Variants in EPHB1 observed in about 807,000 individuals in gnomAD.
EPHB1 encodes ephrin type-B receptor 1.
Under a neutral mutation model 94.4 loss-of-function variants are expected in EPHB1, and 30 were observed. That is an observed-to-expected ratio of 0.32 (90% CI 0.24 to 0.43). EPHB1 has a LOEUF of 0.43. EPHB1 is among the 20% of genes least tolerant of loss of function. The pLI is 1.00. For missense variants in EPHB1, 1,055 were observed against 1,308.3 expected, an observed-to-expected ratio of 0.81 and a Z score of 2.99; for synonymous variants, 522 against 489.1, an observed-to-expected ratio of 1.07 and a Z score of -0.89.
intron 9 of EPHB1, among the ~76,000 whole-genome samples, chr3:135,171,295 A>C (rs562453071): frequency 6.6e-5 from 10 of 152,254 alleles, no homozygotes; most frequent in Non-Finnish European, 1.5e-4. Context: ...AAGGGAAAGC[A>C]TTTTTAAGTG....
intron 15 of EPHB1, among the ~76,000 whole-genome samples, chr3:135,252,800 C>T (rs1412619553): frequency 4.2e-5 from 6 of 141,470 alleles, no homozygotes; most frequent in Non-Finnish European, 7.8e-5. Flanking sequence ...CACTGACTTC[C>T]ACAATGGTTG....
chr3:135,165,411 C>T (rs1941623698), intron 7 of EPHB1, among the ~76,000 whole-genome samples: 2 of 152,180 alleles, frequency 1.3e-5, no homozygotes, highest in African/African-American at 4.8e-5. Flanking sequence ...TAACATTTGG[C>T]AGAAGCCTTG....
intron 3 of EPHB1, among the ~76,000 whole-genome samples, chr3:134,982,629 A>G (rs745711926): frequency 2.0e-5 from 3 of 152,176 alleles, no homozygotes; most frequent in Non-Finnish European, 2.9e-5. Flanking sequence ...CTACAATTAA[A>G]CACACAGATG....
intron 12 of EPHB1, among the ~76,000 whole-genome samples, chr3:135,220,191 T>C (rs900941331): frequency 6.6e-6 from 1 of 151,800 alleles, no homozygotes; most frequent in Non-Finnish European, 1.5e-5. Context: ...TGAGTCCAAG[T>C]CAAAGCAAGG....
rs118061101 is a variant in EPHB1, at chr3:135,049,479, C to A, written c.806-56969C>A. ...CAGCTGGGGCTATCTTTCAGAATAC[C>A]TGCACCTGTCCTCTCCCTGTGACCT... On this transcript the variant is annotated intron_variant, in intron 3 of 15. Coordinates refer to ENST00000398015, the MANE Select transcript of EPHB1 (RefSeq NM_004441.5). Among the ~76,000 whole-genome samples the A allele has an allele frequency of 6.4e-4, 97 of 152,318 alleles. 2 individuals carry two copies. In the East Asian group the frequency reaches 0.017, roughly 27 times the overall value.
At chr3:134,948,312 CAACAATAGCAGAACAGTAAAA>C (rs1560310226) in intron 2 of EPHB1, among the ~76,000 whole-genome samples, 1 of 141,712 alleles carries the variant, frequency 7.1e-6, no homozygotes, top group Non-Finnish European at 1.5e-5. Flanking sequence ...TGTTGTGTTT[CAACAATAGCAGAACAGTAAAA>C]AAAAAAAAAA....
intron 1 of EPHB1, among the ~76,000 whole-genome samples, chr3:134,806,232 A>AG (rs2108284194): frequency 6.6e-6 from 1 of 152,342 alleles, no homozygotes; most frequent in South Asian, 2.1e-4. Flanking sequence ...ATATGGCAGA[A>AG]GTGTTTCTGC....
chr3:134,874,907 C>T (rs574660105), intron 1 of EPHB1, among the ~76,000 whole-genome samples: 9 of 152,198 alleles, frequency 5.9e-5, no homozygotes, highest in African/African-American at 9.7e-5. Context: ...TCATACCAGG[C>T]GGAGCTTGCA....
At chr3:135,087,166 A>G (rs183169610) in intron 3 of EPHB1, among the ~76,000 whole-genome samples, 6 of 152,286 alleles carry the variant, frequency 3.9e-5, no homozygotes, top group South Asian at 2.1e-4. Flanking sequence ...TTGATTCCCA[A>G]ATGGTGAGAG....
intron 1 of EPHB1, among the ~76,000 whole-genome samples, chr3:134,882,943 C>T (rs533480578): frequency 6.6e-6 from 1 of 152,158 alleles, no homozygotes; most frequent in Admixed American, 6.5e-5. Context: ...CTGCCTCAGC[C>T]TCCCGAATAG....
chr3:134,866,574 C>A (rs564837810), intron 1 of EPHB1, among the ~76,000 whole-genome samples: 154 of 152,164 alleles, frequency 1.0e-3, no homozygotes, highest in Non-Finnish European at 1.9e-3. Context: ...ATGGGGACAC[C>A]TGGGAATAGG....
chr3:135,187,625 G>A (rs1283307396), intron 10 of EPHB1, among the ~76,000 whole-genome samples: 5 of 152,068 alleles, frequency 3.3e-5, no homozygotes, highest in Non-Finnish European at 2.9e-5. Flanking sequence ...ATAGCAATAC[G>A]CCCATCGACT....
rs1430895856 is a variant in EPHB1 at position 134,971,397 on chromosome 3, A to G, written c.805+19345A>G. On this transcript the variant is annotated intron_variant, in intron 3 of 15. Transcript: ENST00000398015. ...CAGTAGCAGGTAGAGTCGATGCGTG[A>G]CATTCAGTCTCCCTGGGTTCTGCTC... Among the ~76,000 whole-genome samples, 59 of 152,120 alleles carry G rather than the reference A, an allele frequency of 3.9e-4. 1 individual carries two copies. Among genetic ancestry groups the G allele is most frequent in the Admixed American group, 3.9e-3 (59 of 15,272 alleles).
At chr3:135,056,210 G>T (rs542965947) in intron 3 of EPHB1, among the ~76,000 whole-genome samples, 29 of 152,348 alleles carry the variant, frequency 1.9e-4, no homozygotes, top group Admixed American at 1.6e-3. Context: ...CCATAGGGCT[G>T]GTGGCTACCA....
chr3:135,172,881 C>G (rs999337286), intron 9 of EPHB1, among the ~76,000 whole-genome samples: 2 of 152,218 alleles, frequency 1.3e-5, no homozygotes, highest in African/African-American at 4.8e-5. Flanking sequence ...CGTGTTAACT[C>G]TTTTGGTCCT....
chr3:135,180,281 A>C (rs1235970684), intron 10 of EPHB1, among the ~76,000 whole-genome samples: 3 of 152,228 alleles, frequency 2.0e-5, no homozygotes, highest in Non-Finnish European at 4.4e-5. Flanking sequence ...AATGCAGATA[A>C]GGTACTTAGT....
intron 12 of EPHB1, 60 bp downstream of exon 12, chr3:135,201,749 T>C (rs1251773113): frequency 2.6e-6 from 4 of 1,526,608 alleles, no homozygotes; most frequent in Non-Finnish European, 1.8e-6. Flanking sequence ...GGACTCTACA[T>C]GGCTGGGAAC....
In EPHB1 at chr3:134,909,390, C is replaced by T. The variant is rs143541674; in HGVS notation, c.59-16426C>T. Among the ~76,000 whole-genome samples, 412 of 152,292 alleles carry T rather than the reference C, an allele frequency of 2.7e-3. 2 individuals carry two copies. Among genetic ancestry groups the T allele is most frequent in the African/African-American group, 9.4e-3 (392 of 41,564 alleles). On this transcript the variant is annotated intron_variant, in intron 1 of 15. Coordinates refer to ENST00000398015, the MANE Select transcript of EPHB1 (RefSeq NM_004441.5). ...TTTGGAGGTGAGCAAGCGGAGACTG[C>T]GTGACCACCTGGGTAGGGTGCTGTG... is the stretch of plus-strand genomic sequence containing the variant.
intron 7 of EPHB1, among the ~76,000 whole-genome samples, chr3:135,163,665 G>A (rs930797891): frequency 2.6e-5 from 4 of 152,324 alleles, no homozygotes; most frequent in Middle Eastern, 6.8e-3. Context: ...AATGCTCCGA[G>A]TGCTGGTCTC....
Sources: allele counts gnomAD v4.1 joint callset (sites outside exome capture counted in the v4.1 genomes callset), GRCh38; gene constraint gnomAD v4.1.1; transcripts MANE v1.5; gene names NCBI Gene and HGNC (gene_info 2026-07-23, HGNC 2026-07-21).